Variants in WFDC1 observed in about 807,000 individuals in gnomAD.
The protein encoded by WFDC1 is WAP four-disulfide core domain 1.
WFDC1 carries 39 observed loss-of-function variants against 32.9 expected under a neutral mutation model. That is an observed-to-expected ratio of 1.19 (90% CI 0.92 to 1.55). The LOEUF is 1.55. Ranked by LOEUF, WFDC1 falls within the 40% of genes most tolerant of loss-of-function variation. WFDC1 has a pLI of 0.00. For missense variants in WFDC1, 386 were observed against 309.5 expected, an observed-to-expected ratio of 1.25 and a Z score of -1.85; for synonymous variants, 184 against 137.4, an observed-to-expected ratio of 1.34 and a Z score of -2.37.
intron 1 of WFDC1, among the ~76,000 whole-genome samples, chr16:84,308,947 C>G (rs975172495): frequency 3.9e-5 from 6 of 152,128 alleles, no homozygotes; most frequent in African/African-American, 1.2e-4. Flanking sequence ...AGACACCATC[C>G]TGGGTGCAGA....
At position 84,313,123 on chromosome 16, in the gene WFDC1, G is replaced by A; in HGVS notation, c.307G>A (p.Ala103Thr). 6.9e-7 allele frequency: 1 copy of A among 1,445,466 alleles called. No homozygotes were observed. Among genetic ancestry groups the A allele is most frequent in the Non-Finnish European group, 9.0e-7 (1 of 1,108,094 alleles). The allele number at this position is 1,445,466 out of a possible 1,614,324, so 89.5% of individuals were successfully genotyped here. Residue 103 changes from alanine to threonine, a missense_variant, in exon 2 of 7, where the codon GCC becomes ACC. Coordinates refer to ENST00000219454, the MANE Select transcript of WFDC1 (RefSeq NM_021197.4). ...CTGCTGCTACAACGGATGCGCCTAC[G>A]CCTGCCTAGAAGCTGTGCCGCCCCC... Reference protein sequence around the residue: ...RRCCYNGCAYACLEAVPPPPV... With the variant: ...RRCCYNGCAYTCLEAVPPPPV...
intron 6 of WFDC1, chr16:84,327,555 G>A (rs933353379): frequency 6.6e-6 from 1 of 152,180 alleles, no homozygotes; most frequent in Non-Finnish European, 1.5e-5. Flanking sequence ...TATATAGTAG[G>A]TCATTTTGCT....
At chr16:84,327,028 C>A in intron 6 of WFDC1, 73 bp downstream of exon 6, 2 of 1,482,992 alleles carry the variant, frequency 1.3e-6, no homozygotes, top group Non-Finnish European at 1.9e-6. Context: ...CTTTCACCAC[C>A]AGGTTGAGGA....
chr16:84,322,145 C>CTGTGTGTGTGTGTGTGTG (rs751867533), intron 4 of WFDC1, among the ~76,000 whole-genome samples: 6 of 109,458 alleles, frequency 5.5e-5, no homozygotes, highest in South Asian at 2.8e-4. Flanking sequence ...GCCTCAGAGC[C>CTGTGTGTGTGTGTGTGTG]TGTGTGTGTG....
At chr16:84,309,271 G>A (rs778494122) in intron 1 of WFDC1, among the ~76,000 whole-genome samples, 4 of 151,990 alleles carry the variant, frequency 2.6e-5, no homozygotes, top group Non-Finnish European at 4.4e-5. Flanking sequence ...TTATTAAATC[G>A]AAAAAGTAAC....
chr16:84,327,360 A>AT (rs34568444), intron 6 of WFDC1: 27,240 of 162,044 alleles, frequency 0.17, 2,606 homozygotes, highest in African/African-American at 0.27. Flanking sequence ...CACCTGGCTA[A>AT]TTTTTTTTTT....
chr16:84,302,325 C>T (rs1299586925), intron 1 of WFDC1, among the ~76,000 whole-genome samples: 2 of 152,118 alleles, frequency 1.3e-5, no homozygotes, highest in African/African-American at 4.8e-5. Flanking sequence ...TTAATGCCGC[C>T]AACTCGCACA....
intron 3 of WFDC1, chr16:84,318,617 G>GA (rs1394001823): frequency 2.5e-6 from 1 of 399,248 alleles, no homozygotes; most frequent in Non-Finnish European, 4.7e-6. Context: ...AATTGAAGGG[G>GA]AGGGGGCTTA....
rs187261756 is a variant in WFDC1 at position 84,299,544 on chromosome 16, G to A, written c.144+4429G>A. Among the ~76,000 whole-genome samples the A allele has an allele frequency of 1.2e-3, 185 of 152,336 alleles. 1 individual carries two copies. The highest frequency in any genetic ancestry group is 4.2e-3 in the African/African-American group (174 of 41,576). ...TGGTTTTTCTTTCCTGGCATTAGAT[G>A]AAACTCCTGAGAACAATGATTTACT... On this transcript the variant is annotated intron_variant, in intron 1 of 6. Transcript: ENST00000219454.
rs774468595 is a variant in WFDC1, at chr16:84,319,485, G to A, written c.476G>A (p.Gly159Asp). 8 of 1,612,478 alleles carry A rather than the reference G, an allele frequency of 5.0e-6. No homozygotes were observed. Among genetic ancestry groups the A allele is most frequent in the South Asian group, 2.2e-5 (2 of 91,088 alleles). ...DGAEPLLCPS[G>D]YECHILSPGD... ...GCCGAACCCCTGCTCTGTCCCTCGG[G>A]CTATGAGTGCCACATCCTGAGCCCA... Residue 159 changes from glycine (G) to aspartate (D), a missense_variant, in exon 4 of 7, where the codon GGC (glycine) becomes GAC (aspartate). Transcript: ENST00000219454.
intron 5 of WFDC1, 51 bp downstream of exon 5, chr16:84,324,511 T>C: frequency 6.3e-7 from 1 of 1,591,244 alleles, no homozygotes; most frequent in South Asian, 1.1e-5. Context: ...AAAAAGGCAG[T>C]GAAAGTTTCT....
At chr16:84,298,620 G>A (rs992645068) in intron 1 of WFDC1, among the ~76,000 whole-genome samples, 1 of 152,194 alleles carries the variant, frequency 6.6e-6, no homozygotes, top group South Asian at 2.1e-4. Flanking sequence ...GCTACATGAG[G>A]AGAGCTGGTG....
intron 3 of WFDC1, 91 bp from the exon 4 acceptor site, chr16:84,319,340 A>G: frequency 6.5e-7 from 1 of 1,533,170 alleles, no homozygotes; most frequent in Admixed American, 1.8e-5. Context: ...CGTTCCCTGC[A>G]CCCGTCCCGG....
chr16:84,303,148 C>G (rs1907047960), intron 1 of WFDC1, among the ~76,000 whole-genome samples: 2 of 151,726 alleles, frequency 1.3e-5, no homozygotes, highest in African/African-American at 4.8e-5. Context: ...ACGCTGAACT[C>G]TAAGCCCACT....
chr16:84,297,617 CAAAAAAAAAA>C lies in WFDC1; in HGVS notation c.144+2523_144+2532del, dbSNP rs150683526. 1.3e-3 allele frequency among the ~76,000 whole-genome samples: 92 copies of C among 69,454 alleles called. 1 individual carries two copies. In the East Asian group the frequency reaches 0.028, roughly 21 times the overall value. The allele number at this position is 69,454 out of a possible 152,430, so 45.6% of individuals were successfully genotyped here. On this transcript the variant is annotated intron_variant, in intron 1 of 6. Transcript: ENST00000219454. ...GGGCAACAAGAGTGAAACTCTGTCT[CAAAAAAAAAA>C]AAAAAAAAAAAAAAAAAAAACTGTG...
At chr16:84,296,229 T>C (rs986918926) in intron 1 of WFDC1, among the ~76,000 whole-genome samples, 5 of 152,210 alleles carry the variant, frequency 3.3e-5, no homozygotes, top group African/African-American at 1.2e-4. Context: ...CTTTGCAACA[T>C]AGCAAGCTGG....
chr16:84,306,049 A>AAT (rs1567653599), intron 1 of WFDC1, among the ~76,000 whole-genome samples: 4 of 135,334 alleles, frequency 3.0e-5, no homozygotes, highest in Non-Finnish European at 4.8e-5. Flanking sequence ...ATAATAATAA[A>AAT]AGGAATAAAA....
At chr16:84,313,242 A>G (rs983306331) in intron 2 of WFDC1, 89 bp downstream of exon 2, 185 of 1,250,178 alleles carry the variant, frequency 1.5e-4, no homozygotes, top group Non-Finnish European at 1.8e-4. Context: ...AGCTGGGCTT[A>G]AAGCTGGGCC....
At chr16:84,299,601 G>A (rs1011172265) in intron 1 of WFDC1, among the ~76,000 whole-genome samples, 15 of 152,260 alleles carry the variant, frequency 9.9e-5, no homozygotes, top group African/African-American at 3.4e-4. Context: ...GCAAGAGTTT[G>A]CCACGTATTC....
Sources: allele counts gnomAD v4.1 joint callset (sites outside exome capture counted in the v4.1 genomes callset), GRCh38; gene constraint gnomAD v4.1.1; transcripts MANE v1.5; gene names NCBI Gene and HGNC (gene_info 2026-07-23, HGNC 2026-07-21).